Variants in CFAP92 observed in about 807,000 individuals in gnomAD.
The protein encoded by CFAP92 is uncharacterized protein CFAP92.
Under a neutral mutation model 106.3 loss-of-function variants are expected in CFAP92, and 86 were observed. The ratio of observed to expected loss-of-function variants is 0.81; its 90% confidence interval spans 0.68 to 0.97. CFAP92 has a LOEUF of 0.97. Among genes scored for constraint, CFAP92 ranks in the 50% least tolerant of loss-of-function variants. CFAP92 has a pLI of 0.00. For missense variants in CFAP92, 1,204 were observed against 1,283.8 expected, an observed-to-expected ratio of 0.94 and a Z score of 0.95; for synonymous variants, 477 against 506.4, an observed-to-expected ratio of 0.94 and a Z score of 0.78.
At chr3:129,015,617 C>G in the CFAP92 span, among the ~76,000 whole-genome samples, 3 of 151,996 alleles carry the variant, frequency 2.0e-5, no homozygotes, top group Non-Finnish European at 4.4e-5. Flanking sequence ...CGTGTCTGCT[C>G]GCACACTCCT....
intron 8 of CFAP92, 23 bp downstream of exon 8, chr3:128,971,264 G>C (rs1232270010): frequency 6.2e-7 from 1 of 1,613,546 alleles, no homozygotes; most frequent in African/African-American, 1.3e-5. Flanking sequence ...GGAGCTGCTG[G>C]GAACAGGGCA....
At position 128,988,716 on chromosome 3, in the gene CFAP92, T is replaced by A; in HGVS notation, c.453+12A>T. On this transcript the variant is annotated intron_variant, in intron 3 of 15. Transcript: ENST00000645291. Reference sequence around the variant, plus strand: ...AGACCATACACAAGGCCACACACACTCACACACGCACCTTTACTCCTGACT... The same window carrying A: ...AGACCATACACAAGGCCACACACACACACACACGCACCTTTACTCCTGACT... The A allele has an allele frequency of 6.2e-7, 1 of 1,612,940 alleles. No individual in the cohort carries two copies. The highest frequency in any genetic ancestry group is 8.5e-7 in the Non-Finnish European group (1 of 1,179,280).
chr3:128,965,490 A>G, intron 9 of CFAP92, 21 bp downstream of exon 9: 1 of 398,930 alleles, frequency 2.5e-6, no homozygotes. Context: ...TCTAAACTCC[A>G]TGGGTCCGGC....
In CFAP92 at chr3:128,993,087, A is replaced by C; in HGVS notation, c.218T>G (p.Val73Gly). ...CAGTGAGATGGTGAATTTGCAGGGG[A>C]CCACGTGGGGCACGTCGGAGCTGAA... ...STFSSDVPHV[V>G]PCKFTISLAF... Residue 73 changes from valine to glycine, a missense_variant, in exon 2 of 16, where the codon GTC becomes GGC. Val to Gly is a moderately radical substitution (Grantham distance 109). Coordinates refer to ENST00000645291, the MANE Select transcript of CFAP92 (RefSeq NM_001394090.1). 6.2e-7 allele frequency: 1 copy of C among 1,614,056 alleles called. No homozygotes were observed.
chr3:129,017,558 TTCCTTGCCGGC>T, the CFAP92 span, among the ~76,000 whole-genome samples: 1 of 152,216 alleles, frequency 6.6e-6, no homozygotes, highest in Non-Finnish European at 1.5e-5. Context: ...GAGGCCCTAT[TTCCTTGCCGGC>T]TGTCAGCTGG....
chr3:128,942,262 A>G (rs961495758), intron 10 of CFAP92, among the ~76,000 whole-genome samples: 3 of 152,246 alleles, frequency 2.0e-5, no homozygotes, highest in Non-Finnish European at 4.4e-5. Flanking sequence ...AGCAGAGTCC[A>G]CGATGGCTCC....
chr3:129,024,194 T>C, the CFAP92 span, among the ~76,000 whole-genome samples: 1 of 152,184 alleles, frequency 6.6e-6, no homozygotes, highest in African/African-American at 2.4e-5. Context: ...TATTTATTTG[T>C]TCTGCTGTAA....
the CFAP92 span, among the ~76,000 whole-genome samples, chr3:129,024,056 T>G: frequency 6.6e-6 from 1 of 152,224 alleles, no homozygotes; most frequent in Non-Finnish European, 1.5e-5. Context: ...TTCATTCATT[T>G]GACAAACCTT....
At chr3:129,008,243 G>T in the CFAP92 span, among the ~76,000 whole-genome samples, 2 of 152,232 alleles carry the variant, frequency 1.3e-5, no homozygotes, top group African/African-American at 4.8e-5. Flanking sequence ...TTTGTTCATG[G>T]ATAAGACAGC....
At chr3:128,963,586 T>C (rs1204136564) in intron 9 of CFAP92, among the ~76,000 whole-genome samples, 10 of 151,738 alleles carry the variant, frequency 6.6e-5, no homozygotes, top group East Asian at 1.9e-4. Flanking sequence ...CCCATGACTG[T>C]ATCTCTCTGA....
rs1303556040 is a variant in CFAP92, at chr3:128,945,462, C to A, written c.1867G>T (p.Gly623Cys). ...DGHQHGPMPR[G>C]NYLEADSQLK... ...TGGGAGTCAGCCTCTAGGTAGTTGC[C>A]CCTGGGCATTGGGCCGTGCTGGTGG... Residue 623 changes from glycine (G) to cysteine (C), a missense_variant, in exon 10 of 16, where the codon GGC (glycine) becomes TGC (cysteine). Gly to Cys is a radical substitution (Grantham distance 159). Transcript: ENST00000645291. The A allele has an allele frequency of 1.3e-6, 2 of 1,536,136 alleles. No individual in the cohort carries two copies. The highest frequency in any genetic ancestry group is 8.7e-7 in the Non-Finnish European group (1 of 1,146,908).
chr3:128,983,434 A>T (rs1943650853), intron 4 of CFAP92, among the ~76,000 whole-genome samples: 2 of 152,226 alleles, frequency 1.3e-5, no homozygotes, highest in Admixed American at 1.3e-4. Flanking sequence ...TCCTGTGGTC[A>T]GAGAGGTAGT....
intron 15 of CFAP92, chr3:128,912,922 C>T (rs1936507245): frequency 5.5e-6 from 3 of 542,014 alleles, no homozygotes; most frequent in Non-Finnish European, 1.1e-5. Context: ...TATGCTGCTG[C>T]CTCCAGGGTG....
chr3:128,989,008 G>A (rs998758574), intron 2 of CFAP92, 90 bp from the exon 3 acceptor site: 5 of 999,442 alleles, frequency 5.0e-6, no homozygotes, highest in Non-Finnish European at 7.4e-6. Context: ...GATGTTGTGA[G>A]AGGCTGAGCA....
Position 128,945,831 on chromosome 3 carries a change from C to T in CFAP92, c.1498G>A (p.Glu500Lys). The part of the protein sequence containing the change: ...LGALHPSDLR[E>K]YLEGPPMVVE... ...ACCATGGGGGGGCCCTCCAGGTATT[C>T]CCTTAGGTCACTGGGGTGCAGTGCC... Residue 500 changes from glutamate (E) to lysine (K), a missense_variant, in exon 10 of 16, where the codon GAA becomes AAA. Coordinates refer to ENST00000645291, the MANE Select transcript of CFAP92 (RefSeq NM_001394090.1). The T allele has an allele frequency of 6.6e-7, 1 of 1,516,140 alleles. No individual in the cohort carries two copies. Among genetic ancestry groups the T allele is most frequent in the East Asian group, 2.4e-5 (1 of 40,830 alleles). 93.9% of individuals were successfully genotyped at this position (1,516,140 alleles called of 1,614,324 possible). A position where few individuals can be genotyped will look rare whatever the true frequency, so the allele number is the denominator to read the frequency against.
chr3:128,987,221 T>C (rs1943912090), intron 4 of CFAP92, among the ~76,000 whole-genome samples: 1 of 152,168 alleles, frequency 6.6e-6, no homozygotes, highest in African/African-American at 2.4e-5. Flanking sequence ...TGGAAGAGTC[T>C]ACATGAGACT....
chr3:128,962,224 C>T (rs1418509046), intron 9 of CFAP92, among the ~76,000 whole-genome samples: 1 of 152,168 alleles, frequency 6.6e-6, no homozygotes, highest in Non-Finnish European at 1.5e-5. Context: ...GGACGCCGAG[C>T]TTCCGGTAAC....
intron 9 of CFAP92, among the ~76,000 whole-genome samples, chr3:128,952,815 G>C: frequency 6.6e-6 from 1 of 152,226 alleles, no homozygotes; most frequent in Non-Finnish European, 1.5e-5. Context: ...GCCGGGTGCG[G>C]TGGCTCACAC....
At chr3:129,000,484 G>A (rs1256525491) in intron 1 of CFAP92, among the ~76,000 whole-genome samples, 1 of 152,176 alleles carries the variant, frequency 6.6e-6, no homozygotes, top group African/African-American at 2.4e-5. Context: ...GTCATAGCTA[G>A]GAACAGCTGA....
Sources: allele counts gnomAD v4.1 joint callset (sites outside exome capture counted in the v4.1 genomes callset), GRCh38; gene constraint gnomAD v4.1.1; transcripts MANE v1.5; gene names NCBI Gene and HGNC (gene_info 2026-07-23, HGNC 2026-07-21).